The following LAMC1 variants were observed in gnomAD, a reference collection of about 807,000 sequenced individuals.
The protein encoded by LAMC1 is laminin subunit gamma-1.
Under a neutral mutation model 173.6 loss-of-function variants are expected in LAMC1, and 38 were observed. The ratio of observed to expected loss-of-function variants is 0.22; its 90% CI spans 0.17 to 0.29. The LOEUF is 0.29. Among genes scored for constraint, LAMC1 ranks in the 10% least tolerant of loss-of-function variants. The pLI is 1.00. For missense variants in LAMC1, 1,824 were observed against 2,051.8 expected (o/e 0.89, Z 2.14); for synonymous variants, 746 against 749.1 (o/e 1.00, Z 0.07).
At chr1:183,060,878 A>G (rs1322525289) in intron 1 of LAMC1, among the ~76,000 whole-genome samples, 1 of 152,232 alleles carries the variant, frequency 6.6e-6, no homozygotes, top group Non-Finnish European at 1.5e-5. Context: ...CGTGTTGAGA[A>G]GTAGGTTTGT....
intron 1 of LAMC1, among the ~76,000 whole-genome samples, chr1:183,050,281 CTT>C (rs892649686): frequency 5.2e-5 from 6 of 115,524 alleles, no homozygotes; most frequent in Admixed American, 1.7e-4. Flanking sequence ...TTCTCAGATT[CTT>C]TTTTTTTTTT....
chr1:183,028,078 A>C (rs1055568452), intron 1 of LAMC1, among the ~76,000 whole-genome samples: 2 of 152,064 alleles, frequency 1.3e-5, no homozygotes, highest in African/African-American at 4.8e-5. Context: ...TTTTCTCCAA[A>C]TTCCTTCTCC....
chr1:183,142,185 T>A (rs1005585599), intron 27 of LAMC1, among the ~76,000 whole-genome samples: 24 of 152,182 alleles, frequency 1.6e-4, no homozygotes, highest in African/African-American at 5.8e-4. Context: ...AGAGTTTACA[T>A]GTATACACCT....
intron 1 of LAMC1, among the ~76,000 whole-genome samples, chr1:183,092,034 A>G (rs1655579482): frequency 6.6e-6 from 1 of 152,178 alleles, no homozygotes; most frequent in Admixed American, 6.6e-5. Flanking sequence ...GCTTGGAGGA[A>G]AATGTTGGGG....
chr1:183,109,991 A>C (rs1380488265), intron 3 of LAMC1, among the ~76,000 whole-genome samples: 3 of 152,208 alleles, frequency 2.0e-5, no homozygotes, highest in Non-Finnish European at 1.5e-5. Flanking sequence ...ATGTTCATCA[A>C]CTTATTTTGT....
intron 3 of LAMC1, among the ~76,000 whole-genome samples, chr1:183,108,807 A>G (rs906823352): frequency 1.3e-5 from 2 of 152,206 alleles, no homozygotes; most frequent in East Asian, 3.8e-4. Context: ...ATATGTGAAA[A>G]CTGAAATACT....
Position 183,086,766 on chromosome 1 carries a change from A to G in LAMC1, c.419-16562A>G, listed in dbSNP as rs1655440124. ...TGGCAAAAGCATTGTAGAGGGTCAG[A>G]AAATTACTTAAGTCTGAACTTGATT... On this transcript the variant is annotated intron_variant, in intron 1 of 27. Transcript: ENST00000258341. 2.6e-5 allele frequency among the ~76,000 whole-genome samples: 4 copies of G among 152,226 alleles called. No individual in the cohort carries two copies. In the South Asian group the frequency reaches 8.3e-4, roughly 32 times the overall value.
chr1:183,049,143 C>A (rs1654343225), intron 1 of LAMC1, among the ~76,000 whole-genome samples: 1 of 152,178 alleles, frequency 6.6e-6, no homozygotes, highest in Admixed American at 6.5e-5. Context: ...AGTTTTCTTA[C>A]TAAATCTTCA....
At chr1:183,030,969 C>T (rs1454340280) in intron 1 of LAMC1, among the ~76,000 whole-genome samples, 2 of 152,196 alleles carry the variant, frequency 1.3e-5, no homozygotes, top group South Asian at 2.1e-4. Context: ...TACACCCCAG[C>T]CTGGACGACG....
chr1:183,074,693 A>G (rs1655085063), intron 1 of LAMC1, among the ~76,000 whole-genome samples: 1 of 152,200 alleles, frequency 6.6e-6, no homozygotes. Context: ...TTGACATTTT[A>G]TGAGTTAGAA....
In LAMC1 at chr1:183,110,173, C is replaced by T. The variant is rs186052201; in HGVS notation, c.855-315C>T. Reference sequence around the variant, plus strand: ...AGGCAGCCTGGCTTCAGAGTCCATGCTTTTCTGAACCACTATATTCTGCTA... The same window carrying T: ...AGGCAGCCTGGCTTCAGAGTCCATGTTTTTCTGAACCACTATATTCTGCTA... On this transcript the variant is annotated intron_variant, in intron 3 of 27. Transcript: ENST00000258341. Among the ~76,000 whole-genome samples the T allele has an allele frequency of 4.6e-5, 7 of 152,312 alleles. No homozygotes were observed. The East Asian group carries it at 1.2e-3, about 25-fold the overall frequency.
intron 1 of LAMC1, among the ~76,000 whole-genome samples, chr1:183,050,028 G>T (rs1165936730): frequency 6.6e-6 from 1 of 152,094 alleles, no homozygotes; most frequent in Non-Finnish European, 1.5e-5. Flanking sequence ...ATGTGCTAAA[G>T]ATGTCGTTCC....
intron 18 of LAMC1, among the ~76,000 whole-genome samples, chr1:183,129,312 T>A (rs150645439): frequency 2.2e-3 from 333 of 152,136 alleles, no homozygotes; most frequent in Middle Eastern, 0.01. Flanking sequence ...ATGGTCTCGA[T>A]CTCCTGACCT....
chr1:183,086,094 G>A (rs1655419977), intron 1 of LAMC1, among the ~76,000 whole-genome samples: 1 of 152,028 alleles, frequency 6.6e-6, no homozygotes, highest in Admixed American at 6.6e-5. Flanking sequence ...GTATATACAG[G>A]CCTCATTTAT....
intron 1 of LAMC1, among the ~76,000 whole-genome samples, chr1:183,089,072 T>C (rs1655503393): frequency 6.6e-6 from 1 of 152,196 alleles, no homozygotes; most frequent in Non-Finnish European, 1.5e-5. Context: ...TCCTAACTCC[T>C]CTTTAGTCAT....
chr1:183,122,364 T>C, intron 13 of LAMC1, 113 bp downstream of exon 13: 1 of 990,524 alleles, frequency 1.0e-6, no homozygotes, highest in Admixed American at 2.3e-5. Flanking sequence ...TCAGTGGTTA[T>C]GGTTTTCCTA....
rs1363946650 is a variant in LAMC1 at position 183,142,698 on chromosome 1, G to A, written c.4738G>A (p.Glu1580Lys). 12 of 1,614,030 alleles carry A rather than the reference G, an allele frequency of 7.4e-6. No homozygotes were observed. The highest frequency in any genetic ancestry group is 3.3e-4 in the Middle Eastern group (2 of 6,062). ...CATCATGGACTATAACCGAGATATC[G>A]AGGAGATCATGAAGGACATTCGCAA... ...AAIMDYNRDIEEIMKDIRNLE... is the reference protein window; with the variant it reads ...AAIMDYNRDIKEIMKDIRNLE... Residue 1580 changes from glutamate (E) to lysine (K), a missense_variant, in exon 28 of 28, where the codon GAG becomes AAG. Physicochemically the swap from Glu to Lys is moderately conservative, Grantham distance 56 (BLOSUM62 1). Transcript: ENST00000258341.
At position 183,142,742 on chromosome 1, in the gene LAMC1, G is replaced by C; in HGVS notation, c.4782G>C (p.Lys1594Asn). ...TTCGCAATCTGGAGGACATCAGGAAGACCTTACCATCTGGCTGCTTCAACA... is the reference window on the plus strand; with the variant it reads ...TTCGCAATCTGGAGGACATCAGGAACACCTTACCATCTGGCTGCTTCAACA... ...KDIRNLEDIR[K>N]TLPSGCFNTP... is the part of the protein sequence containing the mutation. Residue 1594 changes from lysine (K) to asparagine (N), a missense_variant, in exon 28 of 28, where the codon AAG becomes AAC. Coordinates refer to ENST00000258341, the MANE Select transcript of LAMC1 (RefSeq NM_002293.4). 6.2e-7 allele frequency: 1 copy of C among 1,613,946 alleles called. No homozygotes were observed. Among genetic ancestry groups the C allele is most frequent in the Non-Finnish European group, 8.5e-7 (1 of 1,179,908 alleles).
chr1:183,024,616 A>C (rs10752888), intron 1 of LAMC1, among the ~76,000 whole-genome samples: 1 of 152,002 alleles, frequency 6.6e-6, no homozygotes, highest in Non-Finnish European at 1.5e-5. Context: ...GGGGAATTTG[A>C]GGGGAGCAAA....
Sources: gnomAD v4.1 joint callset for allele counts (sites outside exome capture counted in the v4.1 genomes callset) on GRCh38, gnomAD v4.1.1 for gene constraint, MANE v1.5 for transcripts, NCBI Gene and HGNC (gene_info 2026-07-23, HGNC 2026-07-21) for gene names.